Variants in EDA2R observed in about 807,000 individuals in gnomAD.
The protein encoded by EDA2R is ectodysplasin A2 receptor, also known as tumor necrosis factor receptor superfamily member 27.
A neutral mutation model predicts 20.1 loss-of-function variants in EDA2R; 26 were observed. The ratio of observed to expected loss-of-function variants is 1.30; its 90% CI spans 0.95 to 1.80. The LOEUF (loss-of-function observed/expected upper bound fraction) is 1.80. EDA2R is among the 40% of genes most tolerant of loss of function. The probability of loss-of-function intolerance (pLI) is 0.00; values close to 1 mark genes in which losing one functional copy is unlikely to be tolerated. For synonymous variants in EDA2R, 114 were observed against 88.7 expected (o/e 1.29, Z -1.60); for missense variants, 277 against 228.7 (o/e 1.21, Z -1.36).
intron 1 of EDA2R, 80 bp from the exon 2 acceptor site, chrX:66,616,110 G>C (rs1569241368): frequency 3.1e-6 from 2 of 647,681 alleles, no homozygotes; most frequent in Non-Finnish European, 5.0e-6. Context: ...TTGGCTTCTG[G>C]GTCCCCTTAA....
rs1234868329 is a variant in EDA2R at position 66,596,761 on chromosome X, A to C, written c.*1343T>G. The stretch of plus-strand genomic sequence containing the variant: ...CAGAAAAACAAAAACAAAAACAAAA[A>C]CAAAAAAAAAACAGGAAACCTAAAG... On this transcript the variant is annotated 3_prime_UTR_variant, in exon 7 of 7. Coordinates refer to ENST00000374719, the MANE Select transcript of EDA2R (RefSeq NM_021783.5). 9.6e-6 allele frequency: 1 copy of C among 104,205 alleles called. No individual in the cohort carries two copies. Among genetic ancestry groups the C allele is most frequent in the Non-Finnish European group, 1.9e-5 (1 of 52,989 alleles). 8.6% of individuals were successfully genotyped at this position (104,205 alleles called of 1,213,427 possible). A position where few individuals can be genotyped will look rare whatever the true frequency, so the allele number is the denominator to read the frequency against.
At chrX:66,600,743 T>G (rs1180935263) in intron 5 of EDA2R, among the ~76,000 whole-genome samples, 1 of 111,997 alleles carries the variant, frequency 8.9e-6, no homozygotes, top group Non-Finnish European at 1.9e-5. Context: ...GGTCACAAAC[T>G]GAGAACCTAT....
Position 66,602,683 on chromosome X carries a change from C to T in EDA2R, c.467G>A (p.Gly156Glu). ...CTGCTTGCAGTAGAGGAAGAAGAGC[C>T]CCAGGAAGGCCAGGGTAAACACCAC... ...LLVVFTLAFL[G>E]LFFLYCKQFF... The change falls in exon 5 of 7, where the codon GGG (glycine) becomes GAG (glutamate). Residue 156 changes from glycine (G) to glutamate (E), a missense_variant. Physicochemically the swap from Gly to Glu is moderately conservative, Grantham distance 98. Coordinates refer to ENST00000374719, the MANE Select transcript of EDA2R (RefSeq NM_021783.5). The T allele has an allele frequency of 1.7e-6, 2 of 1,201,024 alleles. No homozygotes were observed. The highest frequency in any genetic ancestry group is 2.3e-4 in the Middle Eastern group (1 of 4,334).
rs184784912 is a variant in EDA2R, at chrX:66,621,232, G to A, written c.-10-5202C>T. Among the ~76,000 whole-genome samples the A allele has an allele frequency of 1.3e-3, 140 of 111,840 alleles. 1 individual carries two copies. Among genetic ancestry groups the A allele is most frequent in the Non-Finnish European group, 2.1e-3 (114 of 53,142 alleles). On this transcript the variant is annotated intron_variant, in intron 1 of 6. Coordinates refer to ENST00000374719, the MANE Select transcript of EDA2R (RefSeq NM_021783.5). ...GCAGAGGTTGCAGTGAGCCGAGATC[G>A]TGCCATTGCACTCCAGCCTGGGGGA...
intron 1 of EDA2R, among the ~76,000 whole-genome samples, chrX:66,631,423 T>C (rs891572823): frequency 1.8e-5 from 2 of 111,110 alleles, no homozygotes; most frequent in Admixed American, 9.6e-5. Flanking sequence ...ACTATCTTTA[T>C]TTGGCTAGCA....
intron 5 of EDA2R, 110 bp from the exon 6 acceptor site, chrX:66,599,970 C>A (rs1209271922): frequency 8.9e-7 from 1 of 1,127,260 alleles, no homozygotes; most frequent in African/African-American, 1.8e-5. Flanking sequence ...CTGATTCTTT[C>A]CTTCCTCTCC....
At chrX:66,604,910 T>C (rs1022172067) in intron 3 of EDA2R, 138 bp downstream of exon 3, 6 of 578,175 alleles carry the variant, frequency 1.0e-5, no homozygotes, top group African/African-American at 4.6e-5. Flanking sequence ...AAGACACCAC[T>C]TCTCTCTTCT....
intron 1 of EDA2R, among the ~76,000 whole-genome samples, chrX:66,631,990 C>T (rs1933862143): frequency 9.0e-6 from 1 of 111,707 alleles, no homozygotes; most frequent in South Asian, 3.7e-4. Context: ...ACCAGAATAA[C>T]AGTTCTTGCT....
At chrX:66,610,216 A>G (rs1279886848) in intron 2 of EDA2R, among the ~76,000 whole-genome samples, 1 of 109,571 alleles carries the variant, frequency 9.1e-6, no homozygotes, top group Admixed American at 9.8e-5. Flanking sequence ...ATTCACAGAA[A>G]AAGAAACACA....
chrX:66,623,916 T>C (rs1412344709), intron 1 of EDA2R, among the ~76,000 whole-genome samples: 1 of 112,585 alleles, frequency 8.9e-6, no homozygotes, highest in Non-Finnish European at 1.9e-5. Flanking sequence ...ATAGCACATA[T>C]GACCTTATGA....
At chrX:66,602,944 A>G in intron 4 of EDA2R, 147 bp from the exon 5 acceptor site, 1 of 494,253 alleles carries the variant, frequency 2.0e-6, no homozygotes, top group Non-Finnish European at 3.2e-6. Context: ...TTCTTTCTAG[A>G]GCAGGCAAAA....
intron 1 of EDA2R, among the ~76,000 whole-genome samples, chrX:66,633,103 A>G (rs1933998504): frequency 8.9e-6 from 1 of 112,476 alleles, no homozygotes; most frequent in African/African-American, 3.2e-5. Context: ...CAAAATTAAT[A>G]ACCAACTGAA....
intron 4 of EDA2R, 38 bp downstream of exon 4, chrX:66,604,383 G>A (rs750464375): frequency 1.7e-6 from 2 of 1,163,576 alleles, no homozygotes; most frequent in Non-Finnish European, 2.3e-6. Context: ...CCACCCAATG[G>A]GATGAGGAGA....
intron 1 of EDA2R, among the ~76,000 whole-genome samples, chrX:66,634,884 G>C (rs1934182487): frequency 9.0e-6 from 1 of 111,615 alleles, no homozygotes; most frequent in African/African-American, 3.3e-5. Flanking sequence ...AATTCCAAAG[G>C]GTGGGCTGGG....
chrX:66,618,837 G>C (rs1170830756), intron 1 of EDA2R, among the ~76,000 whole-genome samples: 1 of 112,455 alleles, frequency 8.9e-6, no homozygotes, highest in African/African-American at 3.2e-5. Flanking sequence ...GGGACATGTA[G>C]ACTTGAGTTT....
At chrX:66,630,620 C>A (rs1300461500) in intron 1 of EDA2R, among the ~76,000 whole-genome samples, 1 of 110,714 alleles carries the variant, frequency 9.0e-6, no homozygotes, top group Non-Finnish European at 1.9e-5. Flanking sequence ...TGGGGAAATG[C>A]AAATCAAAAC....
At chrX:66,630,820 TATAC>T (rs1251372972) in intron 1 of EDA2R, among the ~76,000 whole-genome samples, 1 of 39,530 alleles carries the variant, frequency 2.5e-5, no homozygotes, top group African/African-American at 6.0e-5. Context: ...CATATATATA[TATAC>T]ACACACACAC....
chrX:66,604,493 T>C lies in EDA2R; in HGVS notation c.280A>G (p.Thr94Ala), dbSNP rs779113039. 1.7e-6 allele frequency: 2 copies of C among 1,208,215 alleles called. No homozygotes were observed. Among genetic ancestry groups the C allele is most frequent in the Non-Finnish European group, 2.2e-6 (2 of 893,466 alleles). The stretch of plus-strand genomic sequence containing the variant: ...TGGTCCTGCAGGCCTCCAATGCGTG[T>C]CTTTCGGTAGAACCTGTGTTCAGAG... Reference protein sequence around the residue: ...GDCLPRFYRKTRIGGLQDQEC... With the variant: ...GDCLPRFYRKARIGGLQDQEC... The change falls in exon 4 of 7, where the codon ACA becomes GCA. Residue 94 changes from threonine (T) to alanine (A), a missense_variant. Transcript: ENST00000374719.
At chrX:66,627,632 A>T (rs1292955412) in intron 1 of EDA2R, among the ~76,000 whole-genome samples, 1 of 111,960 alleles carries the variant, frequency 8.9e-6, no homozygotes, top group East Asian at 2.8e-4. Flanking sequence ...AATTTATAAA[A>T]CAATTACTAA....
Sources: gnomAD v4.1 joint callset for allele counts (sites outside exome capture counted in the v4.1 genomes callset) on GRCh38, gnomAD v4.1.1 for gene constraint, MANE v1.5 for transcripts, NCBI Gene and HGNC (gene_info 2026-07-23, HGNC 2026-07-21) for gene names.